Variants in NKPD1 observed in about 807,000 individuals in gnomAD.
The protein encoded by NKPD1 is NTPase KAP family P-loop domain-containing protein 1.
Under a neutral mutation model 42.2 loss-of-function variants are expected in NKPD1, and 37 were observed. That is an observed-to-expected ratio of 0.88 (90% CI 0.67 to 1.15). The LOEUF is 1.15. Ranked by LOEUF, NKPD1 falls within the 50% of genes most tolerant of loss-of-function variation. NKPD1 has a pLI of 0.00. For synonymous variants in NKPD1, 552 were observed against 536.5 expected, an observed-to-expected ratio of 1.03 and a Z score of -0.40; for missense variants, 1,113 against 1,174.6, an observed-to-expected ratio of 0.95 and a Z score of 0.77.
In NKPD1 at chr19:45,152,910, C is replaced by T; in HGVS notation, c.1527G>A (p.Lys509=). The T allele has an allele frequency of 1.9e-6, 3 of 1,580,940 alleles. No homozygotes were observed. Among genetic ancestry groups the T allele is most frequent in the Non-Finnish European group, 8.6e-7 (1 of 1,161,148 alleles). The change falls in exon 5 of 5, where the codon AAG becomes AAA. Residue 509 remains lysine, a synonymous_variant. Coordinates refer to ENST00000686631, the MANE Select transcript of NKPD1 (RefSeq NM_198478.4). ...AACLESAGNM[K]GTADNGYLFL... The stretch of plus-strand genomic sequence containing the variant: ...AGAGGTAGCCGTTATCGGCCGTGCC[C>T]TTCATGTTGCCCGCGCTCTCTAGGC...
Position 45,158,990 on chromosome 19 carries a change from C to A in NKPD1, c.202G>T (p.Gly68Cys). 1 of 1,301,430 alleles carries A rather than the reference C, an allele frequency of 7.7e-7. No individual in the cohort carries two copies. Among genetic ancestry groups the A allele is most frequent in the South Asian group, 1.2e-5 (1 of 80,744 alleles). 80.6% of individuals were successfully genotyped at this position (1,301,430 alleles called of 1,614,324 possible). Residue 68 changes from glycine (G) to cysteine (C), a missense_variant, in exon 3 of 5, where the codon GGC (glycine) becomes TGC (cysteine). This residue lies in a region of NKPD1 where 204 missense variants were observed against 227.8 expected (regional missense o/e 0.90). Coordinates refer to ENST00000686631, the MANE Select transcript of NKPD1 (RefSeq NM_198478.4). This position sits in a 1 kb window ranked among gnomAD's most constrained non-coding sequence, Gnocchi z 4.6. ...QLAYHSHQVG[G>C]SGWRRGLLPS... is the part of the protein sequence containing the mutation. Reference sequence around the variant, plus strand: ...AGGAGGCCCCGGCGCCAGCCACTGCCACCCACTTGGTGGCTGTGGTAGGCC... The same window carrying A: ...AGGAGGCCCCGGCGCCAGCCACTGCAACCCACTTGGTGGCTGTGGTAGGCC...
Position 45,152,268 on chromosome 19 carries a change from G to A in NKPD1, c.2169C>T (p.Arg723=), listed in dbSNP as rs1968797107. ...TGAAGGGGAAGTCGGCGCCCAGGAA[G>A]CGCTCGAAGAGCTCGGGGTCGCCGT... is the stretch of plus-strand genomic sequence containing the variant. ...DLDGDPELFE[R]FLGADFPFTV... The change falls in exon 5 of 5, where the codon CGC becomes CGT. Residue 723 remains arginine (R), a synonymous_variant. Transcript: ENST00000686631. 2 of 1,609,922 alleles carry A rather than the reference G, an allele frequency of 1.2e-6. No individual in the cohort carries two copies. Among genetic ancestry groups the A allele is most frequent in the Non-Finnish European group, 1.7e-6 (2 of 1,178,778 alleles).
At position 45,153,065 on chromosome 19, in the gene NKPD1, C is replaced by T. The variant is rs1293265501; in HGVS notation, c.1372G>A (p.Val458Ile). 1 of 1,581,858 alleles carries T rather than the reference C, an allele frequency of 6.3e-7. No homozygotes were observed. Among genetic ancestry groups the T allele is most frequent in the Non-Finnish European group, 8.6e-7 (1 of 1,164,432 alleles). Residue 458 changes from valine (V) to isoleucine (I), a missense_variant, in exon 5 of 5, where the codon GTC becomes ATC. Around this residue, in one of 3 missense-constraint regions of NKPD1, gnomAD observed 867 missense variants for 870.1 expected, o/e 1.00. Transcript: ENST00000686631. ...QRRRLRVVLEVTGLDTCYPER... is the reference protein window; with the variant it reads ...QRRRLRVVLEITGLDTCYPER... ...GGGTAGCACGTGTCCAGCCCGGTGA[C>T]CTCCAGCACCACGCGCAGCCTGCGC...
At position 45,155,786 on chromosome 19, in the gene NKPD1, C is replaced by T. The variant is rs575817598; in HGVS notation, c.660G>A (p.Thr220=). The T allele has an allele frequency of 5.8e-5, 75 of 1,303,282 alleles. 1 individual carries two copies. The South Asian group carries it at 8.4e-4, about 15-fold the overall frequency. 80.7% of individuals were successfully genotyped at this position (1,303,282 alleles called of 1,614,324 possible). A position where few individuals can be genotyped will look rare whatever the true frequency, so the allele number is the denominator to read the frequency against. Residue 220 remains threonine, a splice_region_variant and synonymous_variant, in exon 4 of 5, where the codon ACG becomes ACA. Coordinates refer to ENST00000686631, the MANE Select transcript of NKPD1 (RefSeq NM_198478.4). ...CRLHMMLDKI[T]ALMQQEAAQR... ...CAACAAACACACACAGCTCCTCACC[C>T]GTGATCTTGTCCAGCATCATGTGCA...
intron 3 of NKPD1, among the ~76,000 whole-genome samples, chr19:45,157,651 A>C (rs764883303): frequency 1.3e-5 from 2 of 151,146 alleles, no homozygotes; most frequent in Non-Finnish European, 2.9e-5. Flanking sequence ...CCTGGCCTCA[A>C]GCGATCCTCC....
upstream of NKPD1, among the ~76,000 whole-genome samples, chr19:45,162,676 C>T (rs1969031722): frequency 6.6e-6 from 1 of 152,162 alleles, no homozygotes; most frequent in African/African-American, 2.4e-5. Context: ...CCCTGCTCCC[C>T]AGGAAGACGC....
chr19:45,152,045 G>C lies in NKPD1; in HGVS notation c.2392C>G (p.Gln798Glu), dbSNP rs200461333. 7.2e-5 allele frequency: 116 copies of C among 1,609,264 alleles called. No homozygotes were observed. The African/African-American group carries it at 1.4e-3, about 19-fold the overall frequency. Residue 798 changes from glutamine to glutamate, a missense_variant, in exon 5 of 5, where the codon CAA becomes GAA. Transcript: ENST00000686631. ...RAPPSGRASG[Q>E]AGEGHHTGDL... ...CCAGTGTGGTGGCCTTCGCCGGCTT[G>C]CCCTGAGGCACGGCCCGACGGGGGC...
Position 45,153,781 on chromosome 19 carries a change from G to A in NKPD1, c.662-6C>T, listed in dbSNP as rs369261985. 4.7e-5 allele frequency: 69 copies of A among 1,453,646 alleles called. No homozygotes were observed. The African/African-American group carries it at 9.3e-4, about 20-fold the overall frequency. The allele number at this position is 1,453,646 out of a possible 1,614,324, so 90.0% of individuals were successfully genotyped here. ...GGCCTCCTGCTGCATCAGCGCTGCG[G>A]GAAGGGAGCCCGGGAGCCGCGTGAG... On this transcript the variant is annotated splice_region_variant and splice_polypyrimidine_tract_variant and intron_variant, in intron 4 of 4. Coordinates refer to ENST00000686631, the MANE Select transcript of NKPD1 (RefSeq NM_198478.4).
chr19:45,162,822 G>A (rs531166419), upstream of NKPD1: 8 of 200,348 alleles, frequency 4.0e-5, no homozygotes, highest in East Asian at 3.2e-4. Context: ...GGAGGGGGAC[G>A]TGGCAGGGGA....
rs1296781257 is a variant in NKPD1, at chr19:45,152,775, G to A, written c.1662C>T (p.Arg554=). The A allele has an allele frequency of 6.3e-7, 1 of 1,599,388 alleles. No homozygotes were observed. The highest frequency in any genetic ancestry group is 1.1e-5 in the South Asian group (1 of 89,500). Residue 554 remains arginine, a synonymous_variant, in exon 5 of 5, where the codon CGC becomes CGT. Coordinates refer to ENST00000686631, the MANE Select transcript of NKPD1 (RefSeq NM_198478.4). The part of the protein sequence containing the change: ...AVQSRDDLLY[R]EMTRKPWLPG... ...GCAGCCACGGCTTGCGCGTCATCTCGCGGTACAACAGGTCGTCGCGGCTCT... is the reference window on the plus strand; with the variant it reads ...GCAGCCACGGCTTGCGCGTCATCTCACGGTACAACAGGTCGTCGCGGCTCT...
chr19:45,158,730 G>T lies in NKPD1; in HGVS notation c.462C>A (p.Ser154Arg). ...GCAGGGGCCGGGCATCAGTGGGCTC[G>T]CTGGGCTTCAGGAGGACGCCAGCCG... ...PSAAGVLLKP[S>R]EPTDARPLPA... The change falls in exon 3 of 5, where the codon AGC becomes AGA. Residue 154 changes from serine (S) to arginine (R), a missense_variant. Coordinates refer to ENST00000686631, the MANE Select transcript of NKPD1 (RefSeq NM_198478.4). The surrounding 1 kb of genome is among the most constrained non-coding windows in gnomAD (Gnocchi z 4.6). The T allele has an allele frequency of 1.7e-6, 2 of 1,203,954 alleles. No individual in the cohort carries two copies. Among genetic ancestry groups the T allele is most frequent in the Non-Finnish European group, 2.1e-6 (2 of 943,120 alleles). 74.6% of individuals were successfully genotyped at this position (1,203,954 alleles called of 1,614,324 possible). A position where few individuals can be genotyped will look rare whatever the true frequency, so the allele number is the denominator to read the frequency against.
rs2122798691 is a variant in NKPD1, at chr19:45,159,014, C to T, written c.178G>A (p.Ala60Thr). 2 of 1,301,210 alleles carry T rather than the reference C, an allele frequency of 1.5e-6. No individual in the cohort carries two copies. The highest frequency in any genetic ancestry group is 1.1e-4 in the East Asian group (2 of 17,850). 80.6% of individuals were successfully genotyped at this position (1,301,210 alleles called of 1,614,324 possible). ...RPSPQSHWQL[A>T]YHSHQVGGSG... ...CCACCCACTTGGTGGCTGTGGTAGG[C>T]CAGCTGCCAGTGTGATTGGGGGGAA... is the stretch of plus-strand genomic sequence containing the variant. Residue 60 changes from alanine to threonine, a missense_variant, in exon 3 of 5, where the codon GCC becomes ACC. By Grantham distance (58) the Ala-to-Thr change is moderately conservative. This residue lies in a region of NKPD1 where 204 missense variants were observed against 227.8 expected (regional missense o/e 0.90). Coordinates refer to ENST00000686631, the MANE Select transcript of NKPD1 (RefSeq NM_198478.4).
At chr19:45,154,387 C>CT (rs1260172199) in intron 4 of NKPD1, among the ~76,000 whole-genome samples, 10 of 152,206 alleles carry the variant, frequency 6.6e-5, no homozygotes, top group Admixed American at 6.5e-4. Context: ...CAGGGTCCTG[C>CT]TTGTCTTGGT....
chr19:45,158,707 A>G lies in NKPD1; in HGVS notation c.485T>C (p.Leu162Pro). Residue 162 changes from leucine (L) to proline (P), a missense_variant, in exon 3 of 5, where the codon CTG (leucine) becomes CCG (proline). Leu to Pro is a moderately conservative substitution (Grantham distance 98). Coordinates refer to ENST00000686631, the MANE Select transcript of NKPD1 (RefSeq NM_198478.4). This position sits in a 1 kb window ranked among gnomAD's most constrained non-coding sequence, Gnocchi z 4.6. ...GGAGCCACAGGCCGCTGGGGCGGGC[A>G]GGGGCCGGGCATCAGTGGGCTCGCT... ...KPSEPTDARP[L>P]PAPAACGSFT... is the part of the protein sequence containing the mutation. 8 of 1,193,642 alleles carry G rather than the reference A, an allele frequency of 6.7e-6. No individual in the cohort carries two copies. Among genetic ancestry groups the G allele is most frequent in the Non-Finnish European group, 8.5e-6 (8 of 939,984 alleles). 73.9% of individuals were successfully genotyped at this position (1,193,642 alleles called of 1,614,324 possible).
chr19:45,160,103 G>T lies in NKPD1; in HGVS notation c.48C>A (p.Pro16=). The change falls in exon 2 of 5, where the codon CCC becomes CCA. Residue 16 remains proline, a synonymous_variant. Transcript: ENST00000686631. ...KVHFAKDAQS[P]NGHYFWDPEL... Reference sequence around the variant, plus strand: ...CTGGGTCCCAGAAGTAGTGCCCGTTGGGGCTCTGGGCATCCTTGGCGAAGT... The same window carrying T: ...CTGGGTCCCAGAAGTAGTGCCCGTTTGGGCTCTGGGCATCCTTGGCGAAGT... The T allele has an allele frequency of 7.7e-7, 1 of 1,304,990 alleles. No individual in the cohort carries two copies. Among genetic ancestry groups the T allele is most frequent in the Non-Finnish European group, 1.0e-6 (1 of 988,718 alleles). The allele number at this position is 1,304,990 out of a possible 1,614,324, so 80.8% of individuals were successfully genotyped here. A position where few individuals can be genotyped will look rare whatever the true frequency, so the allele number is the denominator to read the frequency against.
intron 3 of NKPD1, among the ~76,000 whole-genome samples, chr19:45,157,572 G>A (rs553174439): frequency 1.8e-4 from 28 of 152,026 alleles, no homozygotes; most frequent in African/African-American, 6.5e-4. Context: ...TCACTATGCT[G>A]GGCTAATTTT....
Position 45,152,426 on chromosome 19 carries a change from G to A in NKPD1, c.2011C>T (p.Leu671=), listed in dbSNP as rs1347429422. The A allele has an allele frequency of 1.3e-6, 2 of 1,568,504 alleles. No individual in the cohort carries two copies. Among genetic ancestry groups the A allele is most frequent in the Middle Eastern group, 1.7e-4 (1 of 5,990 alleles). ...NQWPCRLSWA[L]QCLEDRQQTG... ...TGCTGCCGGTCCTCCAGGCACTGCA[G>A]CGCCCAGCTCAGGCGGCACGGCCAC... The change falls in exon 5 of 5, where the codon CTG becomes TTG. Residue 671 remains leucine (L), a synonymous_variant. Transcript: ENST00000686631.
At chr19:45,162,668 C>G (rs1969031543), upstream of NKPD1, among the ~76,000 whole-genome samples, 1 of 152,228 alleles carries the variant, frequency 6.6e-6, no homozygotes, top group Non-Finnish European at 1.5e-5. Context: ...ACTCCCAGCC[C>G]TGCTCCCCAG....
chr19:45,155,169 T>A (rs1968879014), intron 4 of NKPD1, among the ~76,000 whole-genome samples: 1 of 150,972 alleles, frequency 6.6e-6, no homozygotes, highest in Non-Finnish European at 1.5e-5. Context: ...ATACAAAAAA[T>A]TAGCTGGGCG....
Sources: allele counts gnomAD v4.1 joint callset (sites outside exome capture counted in the v4.1 genomes callset), GRCh38; gene constraint gnomAD v4.1.1; regional missense constraint gnomAD v4.1.1; non-coding constraint Gnocchi (gnomAD v3.1); transcripts MANE v1.5; gene names NCBI Gene and HGNC (gene_info 2026-07-23, HGNC 2026-07-21).